KAZN: variants seen among roughly 807,000 people sequenced by gnomAD.
KAZN encodes the protein kazrin.
In KAZN, 40 loss-of-function variants were observed where a neutral mutation model predicts 87.4. The ratio of observed to expected loss-of-function variants is 0.46; its 90% CI spans 0.36 to 0.60. The LOEUF is 0.60. KAZN is among the 20% of genes least tolerant of loss of function. The pLI is 0.00. For synonymous variants in KAZN, 466 were observed against 458.3 expected, an observed-to-expected ratio of 1.02 and a Z score of -0.22; for missense variants, 898 against 1,073.9, an observed-to-expected ratio of 0.84 and a Z score of 2.29.
At chr1:14,346,499 G>GA (rs1161576062) in intron 2 of KAZN, among the ~76,000 whole-genome samples, 1 of 152,166 alleles carries the variant, frequency 6.6e-6, no homozygotes. Context: ...GGAGCACAAA[G>GA]AAGGAGGTAG....
chr1:13,997,616 A>G (rs900964552), intron 1 of KAZN, among the ~76,000 whole-genome samples: 12 of 151,836 alleles, frequency 7.9e-5, no homozygotes, highest in Admixed American at 7.9e-4. Flanking sequence ...AAGAAAGGAT[A>G]TCAGAGTTTG....
At position 14,358,264 on chromosome 1, in the gene KAZN, T is replaced by C. The variant is rs1056080182; in HGVS notation, c.249+177672T>C. ...TGTATTTCTGTGGGATCAGTGGTGATACCCCCTGTTTCATTTCTTATTGTG... is the reference window on the plus strand; with the variant it reads ...TGTATTTCTGTGGGATCAGTGGTGACACCCCCTGTTTCATTTCTTATTGTG... On this transcript the variant is annotated intron_variant, in intron 2 of 16. Transcript: ENST00000636203. Among the ~76,000 whole-genome samples, 5 of 150,252 alleles carry C rather than the reference T, an allele frequency of 3.3e-5. No individual in the cohort carries two copies. In the South Asian group the frequency reaches 8.5e-4, roughly 26 times the overall value.
chr1:14,922,315 GCATTCCTA>G (rs1658610342), intron 1 of KAZN, among the ~76,000 whole-genome samples: 1 of 152,110 alleles, frequency 6.6e-6, no homozygotes, highest in African/African-American at 2.4e-5. Context: ...GCTGGCAAGG[GCATTCCTA>G]GCTTCTCCGC....
intron 2 of KAZN, among the ~76,000 whole-genome samples, chr1:14,987,232 C>T (rs1666911235): frequency 6.6e-6 from 1 of 152,276 alleles, no homozygotes; most frequent in South Asian, 2.1e-4. Context: ...CGGTGGCTCA[C>T]GCTTGTAATC....
At chr1:14,135,337 C>T (rs1322904149) in intron 1 of KAZN, among the ~76,000 whole-genome samples, 4 of 152,170 alleles carry the variant, frequency 2.6e-5, no homozygotes, top group Non-Finnish European at 5.9e-5. Flanking sequence ...GATTTAAAGT[C>T]AGCCGAATAG....
chr1:14,930,222 G>A (rs534065455), intron 1 of KAZN, among the ~76,000 whole-genome samples: 59 of 152,302 alleles, frequency 3.9e-4, no homozygotes, highest in Admixed American at 7.8e-4. Context: ...GCCGGTGCCC[G>A]TGGTCTCGTC....
At chr1:14,204,018 A>G (rs1279803626) in intron 2 of KAZN, among the ~76,000 whole-genome samples, 2 of 152,232 alleles carry the variant, frequency 1.3e-5, no homozygotes, top group Non-Finnish European at 2.9e-5. Context: ...GGTGTGTTGC[A>G]AATTAAACTT....
At chr1:14,640,710 G>A (rs375398285) in intron 1 of KAZN, among the ~76,000 whole-genome samples, 14 of 152,286 alleles carry the variant, frequency 9.2e-5, no homozygotes, top group African/African-American at 3.4e-4. Flanking sequence ...ACTCCTCCCT[G>A]GCAGTCAGCC....
intron 1 of KAZN, among the ~76,000 whole-genome samples, chr1:14,880,415 G>A (rs777209396): frequency 3.3e-5 from 5 of 152,156 alleles, no homozygotes; most frequent in Admixed American, 6.5e-5. Flanking sequence ...TCTAGGTACC[G>A]CAGTGGCTTA....
intron 1 of KAZN, among the ~76,000 whole-genome samples, chr1:14,736,870 A>T (rs1189267847): frequency 6.6e-6 from 1 of 152,168 alleles, no homozygotes; most frequent in Admixed American, 6.5e-5. Context: ...TCATTCAACA[A>T]GTCTCTCTTG....
At chr1:14,418,021 AAAAAAAAAAAAAAAAAAAAAAAAC>A (rs1291912358) in intron 2 of KAZN, among the ~76,000 whole-genome samples, 6 of 108,440 alleles carry the variant, frequency 5.5e-5, no homozygotes, top group African/African-American at 2.0e-4. Flanking sequence ...AAAAAAAAAA[AAAAAAAAAAAAAAAAAAAAAAAAC>A]CTACATCGAA....
intron 1 of KAZN, among the ~76,000 whole-genome samples, chr1:14,108,033 A>G (rs34273060): frequency 6.6e-6 from 1 of 151,984 alleles, no homozygotes; most frequent in Non-Finnish European, 1.5e-5. Flanking sequence ...TCCTTGAACA[A>G]CTTCCAATTT....
At chr1:14,864,696 C>T (rs984580193) in intron 1 of KAZN, among the ~76,000 whole-genome samples, 2 of 152,158 alleles carry the variant, frequency 1.3e-5, no homozygotes, top group African/African-American at 2.4e-5. Flanking sequence ...GCACCACCCT[C>T]CATCCCCCAA....
intron 1 of KAZN, among the ~76,000 whole-genome samples, chr1:14,034,563 C>A (rs1473489176): frequency 6.6e-6 from 1 of 152,204 alleles, no homozygotes; most frequent in Non-Finnish European, 1.5e-5. Context: ...TTGCCATTTG[C>A]ACCCTCAATT....
intron 1 of KAZN, among the ~76,000 whole-genome samples, chr1:13,907,980 C>T (rs191139832): frequency 4.8e-4 from 73 of 152,270 alleles, no homozygotes; most frequent in African/African-American, 1.6e-3. Context: ...AATACTGGTG[C>T]ACAAATTTAT....
chr1:14,433,455 G>A (rs1392827832), intron 2 of KAZN, among the ~76,000 whole-genome samples: 4 of 152,168 alleles, frequency 2.6e-5, no homozygotes, highest in Admixed American at 2.6e-4. Context: ...CAAAATGCAC[G>A]TGTTGAAGCC....
At chr1:14,419,505 G>A (rs116608476) in intron 2 of KAZN, among the ~76,000 whole-genome samples, 1,687 of 152,330 alleles carry the variant, frequency 0.011, 17 homozygotes, top group Non-Finnish European at 0.018. Context: ...AGAGTGTTAG[G>A]CCAGTTCCCT....
At chr1:14,587,435 CA>C (rs1178802899) in intron 2 of KAZN, among the ~76,000 whole-genome samples, 22 of 85,444 alleles carry the variant, frequency 2.6e-4, no homozygotes, top group Admixed American at 2.7e-4. Context: ...GACTCCAACT[CA>C]AAAAAAAAAA....
At chr1:14,367,013 C>T (rs993613740) in intron 2 of KAZN, among the ~76,000 whole-genome samples, 8 of 152,182 alleles carry the variant, frequency 5.3e-5, no homozygotes, top group Non-Finnish European at 1.0e-4. Flanking sequence ...AGGCAGATCA[C>T]GAGGTCAGGA....
Sources: allele counts gnomAD v4.1 joint callset (sites outside exome capture counted in the v4.1 genomes callset), GRCh38; gene constraint gnomAD v4.1.1; transcripts MANE v1.5; gene names NCBI Gene and HGNC (gene_info 2026-07-23, HGNC 2026-07-21).